ITGA8: variants seen among roughly 807,000 people sequenced by gnomAD.
ITGA8 encodes integrin subunit alpha 8.
A neutral mutation model predicts 142.3 loss-of-function variants in ITGA8; 91 were observed. The ratio of observed to expected loss-of-function variants is 0.64; its 90% CI spans 0.54 to 0.76. ITGA8 has a LOEUF of 0.76. Among genes scored for constraint, ITGA8 ranks in the 30% least tolerant of loss-of-function variants. ITGA8 has a pLI of 0.00. For missense variants in ITGA8, 1,406 were observed against 1,327.7 expected (o/e 1.06, Z -0.92); for synonymous variants, 505 against 485.2 (o/e 1.04, Z -0.54).
chr10:15,711,403 CA>C (rs1392061682), intron 2 of ITGA8, among the ~76,000 whole-genome samples: 3 of 152,154 alleles, frequency 2.0e-5, no homozygotes, highest in Non-Finnish European at 4.4e-5. Context: ...CTCAGAGCAA[CA>C]GCCACAAAAC....
chr10:15,560,905 ATT>A (rs1263551286), intron 25 of ITGA8, among the ~76,000 whole-genome samples: 1 of 151,758 alleles, frequency 6.6e-6, no homozygotes, highest in Admixed American at 6.6e-5. Context: ...GGGTCTCCTT[ATT>A]TATTTATTTT....
chr10:15,546,817 G>T (rs1201154222), intron 27 of ITGA8, among the ~76,000 whole-genome samples: 1 of 147,184 alleles, frequency 6.8e-6, no homozygotes, highest in East Asian at 2.0e-4. Flanking sequence ...AAAGAAGGAA[G>T]GGAAGAAAGG....
chr10:15,519,057 A>G (rs186910316), intron 29 of ITGA8, among the ~76,000 whole-genome samples: 1 of 152,352 alleles, frequency 6.6e-6, no homozygotes, highest in African/African-American at 2.4e-5. Flanking sequence ...ATTTACAAGA[A>G]ATCTCAAGAT....
At chr10:15,690,885 A>G (rs1834921615) in intron 2 of ITGA8, among the ~76,000 whole-genome samples, 1 of 152,152 alleles carries the variant, frequency 6.6e-6, no homozygotes, top group African/African-American at 2.4e-5. Context: ...TTGCACAGCC[A>G]AGGAAACAAC....
At chr10:15,629,009 C>T (rs1194580227) in intron 13 of ITGA8, among the ~76,000 whole-genome samples, 1 of 151,896 alleles carries the variant, frequency 6.6e-6, no homozygotes, top group Non-Finnish European at 1.5e-5. Context: ...GCAAGTGCGG[C>T]CCAGGCTGCA....
rs539654064 is a variant in ITGA8, at chr10:15,677,598, A to C, written c.670T>G (p.Trp224Gly). ...LIVGGPGSFY[W>G]QGQVITASVA... ...GTCTGCCAACAGAACATACCTTGCC[A>C]GTAGAAACTCCCAGGTCCTCCCACA... Residue 224 changes from tryptophan to glycine, a missense_variant, in exon 6 of 30, where the codon TGG (tryptophan) becomes GGG (glycine). Transcript: ENST00000378076. The C allele has an allele frequency of 6.2e-6, 10 of 1,613,560 alleles. No individual in the cohort carries two copies. Among genetic ancestry groups the C allele is most frequent in the Non-Finnish European group, 8.5e-6 (10 of 1,179,710 alleles).
intron 27 of ITGA8, among the ~76,000 whole-genome samples, chr10:15,542,002 T>C (rs1204254825): frequency 1.3e-5 from 2 of 152,182 alleles, no homozygotes; most frequent in Admixed American, 1.3e-4. Context: ...GAGGCTGTTG[T>C]GTTTATTCAA....
Position 15,671,659 on chromosome 10 carries a change from A to G in ITGA8, c.803-12T>C. On this transcript the variant is annotated splice_polypyrimidine_tract_variant and intron_variant, in intron 7 of 29. Coordinates refer to ENST00000378076, the MANE Select transcript of ITGA8 (RefSeq NM_003638.3). ...AGCAACTGAGTATCCTGTTTTAAAG[A>G]AAAAGAAACAAACTAATCACACTTA... 1 of 1,604,152 alleles carries G rather than the reference A, an allele frequency of 6.2e-7. No homozygotes were observed. The highest frequency in any genetic ancestry group is 1.1e-5 in the South Asian group (1 of 90,776).
At chr10:15,718,741 G>C in intron 2 of ITGA8, 25 bp downstream of exon 2, 1 of 1,612,688 alleles carries the variant, frequency 6.2e-7, no homozygotes, top group African/African-American at 1.3e-5. Flanking sequence ...CAGGCCCACA[G>C]CTTAGAAGGA....
intron 28 of ITGA8, among the ~76,000 whole-genome samples, chr10:15,530,217 T>A (rs1251503061): frequency 6.6e-6 from 1 of 152,132 alleles, no homozygotes; most frequent in African/African-American, 2.4e-5. Flanking sequence ...TGATAGATGT[T>A]TGGGTGTCAG....
intron 23 of ITGA8, among the ~76,000 whole-genome samples, chr10:15,584,087 C>T (rs1395260067): frequency 2.0e-5 from 3 of 152,066 alleles, no homozygotes; most frequent in Admixed American, 2.0e-4. Context: ...ACCTGAGGTA[C>T]AGAGTTCGAG....
chr10:15,648,555 T>C (rs571645642), intron 11 of ITGA8, among the ~76,000 whole-genome samples: 38 of 151,316 alleles, frequency 2.5e-4, no homozygotes, highest in Admixed American at 8.6e-4. Flanking sequence ...AACAATAACA[T>C]AAAATCAATA....
chr10:15,614,150 A>G (rs1043902219), intron 14 of ITGA8, among the ~76,000 whole-genome samples: 2 of 152,184 alleles, frequency 1.3e-5, no homozygotes, highest in Admixed American at 6.5e-5. Flanking sequence ...TCTTACAGCC[A>G]TTCGTATTTG....
At chr10:15,620,304 G>A (rs1697745174) in intron 13 of ITGA8, among the ~76,000 whole-genome samples, 1 of 43,398 alleles carries the variant, frequency 2.3e-5, no homozygotes, top group South Asian at 2.5e-3. Flanking sequence ...TGAAGGTGTT[G>A]AGATACACAC....
At chr10:15,633,564 T>G (rs1833719936) in intron 13 of ITGA8, among the ~76,000 whole-genome samples, 1 of 152,040 alleles carries the variant, frequency 6.6e-6, no homozygotes. Context: ...GGATGACAGG[T>G]GCGCACCTCC....
chr10:15,586,763 G>A (rs976681075), intron 22 of ITGA8, 99 bp from the exon 23 acceptor site: 3 of 681,922 alleles, frequency 4.4e-6, no homozygotes, highest in African/African-American at 1.8e-5. Flanking sequence ...GAGAACACAC[G>A]TTACTAACCT....
chr10:15,655,301 A>G, intron 11 of ITGA8, 53 bp downstream of exon 11: 1 of 1,162,114 alleles, frequency 8.6e-7, no homozygotes, highest in Admixed American at 2.0e-5. Flanking sequence ...AAAACATAAC[A>G]TCTTTATGGA....
intron 25 of ITGA8, among the ~76,000 whole-genome samples, chr10:15,560,190 G>T (rs915481919): frequency 2.0e-5 from 3 of 151,988 alleles, no homozygotes; most frequent in East Asian, 1.9e-4. Context: ...GAAGCAGGAG[G>T]ATCATCTAAG....
intron 2 of ITGA8, among the ~76,000 whole-genome samples, chr10:15,691,662 G>GA (rs1834936687): frequency 6.6e-6 from 1 of 152,150 alleles, no homozygotes; most frequent in Admixed American, 6.5e-5. Flanking sequence ...CAGGCTCATA[G>GA]AAGCAAACAG....
Sources: allele counts gnomAD v4.1 joint callset (sites outside exome capture counted in the v4.1 genomes callset), GRCh38; gene constraint gnomAD v4.1.1; transcripts MANE v1.5; gene names NCBI Gene and HGNC (gene_info 2026-07-23, HGNC 2026-07-21).